Variants in CEP85L observed in about 807,000 individuals in gnomAD.
CEP85L encodes the protein centrosomal protein of 85 kDa-like.
CEP85L carries 60 observed loss-of-function variants against 100.3 expected under a neutral mutation model. That is an observed-to-expected ratio of 0.60 (90% CI 0.49 to 0.74). The LOEUF (loss-of-function observed/expected upper bound fraction) is 0.74, where lower values mean the gene tolerates loss of function less well. Among genes scored for constraint, CEP85L ranks in the 30% least tolerant of loss-of-function variants. The pLI is 0.00. For missense variants in CEP85L, 973 were observed against 936.2 expected, an observed-to-expected ratio of 1.04 and a Z score of -0.51; for synonymous variants, 319 against 322.7, an observed-to-expected ratio of 0.99 and a Z score of 0.12.
intron 3 of CEP85L, among the ~76,000 whole-genome samples, chr6:118,564,686 G>A (rs1432263570): frequency 6.6e-6 from 1 of 152,080 alleles, no homozygotes; most frequent in Non-Finnish European, 1.5e-5. Flanking sequence ...TTTATTAGTA[G>A]TAGTAATGAA....
Position 118,558,982 on chromosome 6 carries a change from C to A in CEP85L, c.1020+6547G>T, listed in dbSNP as rs397516786. On this transcript the variant is annotated intron_variant, in intron 3 of 12. Transcript: ENST00000368491. Reference sequence around the variant, plus strand: ...AAGAAGAGCCTCAACCATTGAAATGCCTCAACAAGCACGTCAAAAGCTACA... The same window carrying A: ...AAGAAGAGCCTCAACCATTGAAATGACTCAACAAGCACGTCAAAAGCTACA... 38 of 1,611,580 alleles carry A rather than the reference C, an allele frequency of 2.4e-5. No homozygotes were observed. Among genetic ancestry groups the A allele is most frequent in the Admixed American group, 6.7e-5 (4 of 59,994 alleles).
intron 4 of CEP85L, among the ~76,000 whole-genome samples, chr6:118,517,962 G>A (rs557735113): frequency 3.9e-5 from 6 of 152,212 alleles, no homozygotes; most frequent in Admixed American, 2.6e-4. Flanking sequence ...GAATTTTATC[G>A]AAGGCCTTTT....
At chr6:118,555,807 C>A (rs1216402454) in intron 3 of CEP85L, among the ~76,000 whole-genome samples, 2 of 151,216 alleles carry the variant, frequency 1.3e-5, no homozygotes, top group African/African-American at 2.5e-5. Flanking sequence ...CTCCCATCCT[C>A]CCCGCTCAAG....
At chr6:118,533,658 A>G (rs1777419782) in intron 3 of CEP85L, among the ~76,000 whole-genome samples, 1 of 152,228 alleles carries the variant, frequency 6.6e-6, no homozygotes, top group Admixed American at 6.5e-5. Context: ...AAAAAAGAAA[A>G]TGACAAACCA....
intron 8 of CEP85L, 67 bp from the exon 9 acceptor site, chr6:118,480,580 A>G: frequency 1.1e-6 from 1 of 938,936 alleles, no homozygotes; most frequent in Admixed American, 2.0e-5. Context: ...TGATTTCAAC[A>G]TAAATGATTA....
In CEP85L at chr6:118,632,574, T is replaced by C. The variant is rs375448535; in HGVS notation, c.111A>G (p.Glu37=). 6.2e-7 allele frequency: 1 copy of C among 1,612,554 alleles called. No individual in the cohort carries two copies. The highest frequency in any genetic ancestry group is 1.3e-5 in the African/African-American group (1 of 74,942). ...DYSSAWLPAN[E]SLWQATTVPS... ...GAACAGTTGTGGCCTGCCACAATGA[T>C]TCATTAGCAGGTAGCCATGCTGATG... is the stretch of plus-strand genomic sequence containing the variant. The change falls in exon 2 of 13, where the codon GAA becomes GAG. Residue 37 remains glutamate (E), a synonymous_variant. Coordinates refer to ENST00000368491, the MANE Select transcript of CEP85L (RefSeq NM_001042475.3).
chr6:118,656,305 C>T (rs1402116264), upstream of CEP85L, among the ~76,000 whole-genome samples: 1 of 152,086 alleles, frequency 6.6e-6, no homozygotes, highest in Non-Finnish European at 1.5e-5. Flanking sequence ...CTGGAAAAAG[C>T]AGTTAAATCA....
chr6:118,640,577 T>C (rs1264014978), intron 1 of CEP85L, among the ~76,000 whole-genome samples: 1 of 152,154 alleles, frequency 6.6e-6, no homozygotes, highest in Non-Finnish European at 1.5e-5. Flanking sequence ...CAGGATGGAG[T>C]GCAGTAGTGC....
rs372428502 is a variant in CEP85L at position 118,545,254 on chromosome 6, A to G, written c.1020+20275T>C. 4.0e-4 allele frequency among the ~76,000 whole-genome samples: 61 copies of G among 152,296 alleles called. 1 individual carries two copies. In the South Asian group the frequency reaches 9.5e-3, roughly 24 times the overall value. ...CTACAGACTGGAGTTTAAATGCTCAATGTAAAAGATTACTACATACATCAC... is the reference window on the plus strand; with the variant it reads ...CTACAGACTGGAGTTTAAATGCTCAGTGTAAAAGATTACTACATACATCAC... On this transcript the variant is annotated intron_variant, in intron 3 of 12. Transcript: ENST00000368491.
chr6:118,520,119 C>G (rs1464414406), intron 4 of CEP85L, among the ~76,000 whole-genome samples: 1 of 152,154 alleles, frequency 6.6e-6, no homozygotes, highest in Middle Eastern at 3.2e-3. Flanking sequence ...TGAAGACTTT[C>G]ACCTAAAACA....
chr6:118,600,803 A>T (rs910354251), intron 2 of CEP85L, among the ~76,000 whole-genome samples: 1 of 149,314 alleles, frequency 6.7e-6, no homozygotes, highest in African/African-American at 2.5e-5. Context: ...GTCTTTTTTA[A>T]AAAAAAAAAA....
chr6:118,538,379 GA>G (rs1245536701), intron 3 of CEP85L, among the ~76,000 whole-genome samples: 1 of 151,678 alleles, frequency 6.6e-6, no homozygotes, highest in African/African-American at 2.4e-5. Context: ...CTGAAAAAAT[GA>G]TAAAAAGAAA....
chr6:118,707,893 G>A (rs768960074), intron 1 of CEP85L, among the ~76,000 whole-genome samples: 45 of 130,816 alleles, frequency 3.4e-4, no homozygotes, highest in Non-Finnish European at 6.2e-4. Context: ...TCACTTTATA[G>A]CTACTAAACT....
intron 3 of CEP85L, among the ~76,000 whole-genome samples, chr6:118,532,726 T>C (rs1363220857): frequency 6.6e-6 from 1 of 152,104 alleles, no homozygotes; most frequent in East Asian, 1.9e-4. Context: ...ACTGATTTTT[T>C]GGATGGTTTC....
intron 2 of CEP85L, among the ~76,000 whole-genome samples, chr6:118,592,351 T>A (rs1292068249): frequency 1.4e-5 from 2 of 146,494 alleles, no homozygotes; most frequent in African/African-American, 5.1e-5. Context: ...TTTTTTTTGA[T>A]CAGTAAAAAG....
At chr6:118,480,244 C>T in intron 9 of CEP85L, 152 bp downstream of exon 9, 2 of 488,916 alleles carry the variant, frequency 4.1e-6, no homozygotes, top group Non-Finnish European at 7.1e-6. Flanking sequence ...TTGCTATGGT[C>T]CTTTCAAATA....
rs767188840 is a variant in CEP85L, at chr6:118,563,293, C to A, written c.1020+2236G>T. Among the ~76,000 whole-genome samples, 67 of 152,144 alleles carry A rather than the reference C, an allele frequency of 4.4e-4. 1 individual carries two copies. Among genetic ancestry groups the A allele is most frequent in the Non-Finnish European group, 7.8e-4 (53 of 68,030 alleles). On this transcript the variant is annotated intron_variant, in intron 3 of 12. Transcript: ENST00000368491. ...CACACACATAAGAATGTGTGTCTGG[C>A]TCAATAATTATTCTGGACTAAGTCC... is the stretch of plus-strand genomic sequence containing the variant.
At chr6:118,519,564 GTGTGTGTGTGTGTGTGT>G (rs771176105) in intron 4 of CEP85L, among the ~76,000 whole-genome samples, 8 of 14,666 alleles carry the variant, frequency 5.5e-4, no homozygotes, top group Non-Finnish European at 1.6e-3. Context: ...GTGTGTGTGT[GTGTGTGTGTGTGTGTGT>G]GGCGGGGGGG....
intron 1 of CEP85L, among the ~76,000 whole-genome samples, chr6:118,684,128 C>T (rs1397302055): frequency 6.6e-6 from 1 of 152,136 alleles, no homozygotes; most frequent in African/African-American, 2.4e-5. Flanking sequence ...TCTCTGGCAA[C>T]CTATTTAAAA....
Sources: gnomAD v4.1 joint callset for allele counts (sites outside exome capture counted in the v4.1 genomes callset) on GRCh38, gnomAD v4.1.1 for gene constraint, MANE v1.5 for transcripts, NCBI Gene and HGNC (gene_info 2026-07-23, HGNC 2026-07-21) for gene names.